FRMPD4: variants seen among roughly 807,000 people sequenced by gnomAD.
The protein encoded by FRMPD4 is FERM and PDZ domain containing 4, also known as FERM and PDZ domain-containing protein 4.
In FRMPD4, 22 loss-of-function variants were observed where a neutral mutation model predicts 94.1. The observed-to-expected ratio is 0.23, with a 90% CI of 0.17 to 0.33. The LOEUF (loss-of-function observed/expected upper bound fraction) is 0.33. FRMPD4 is among the 10% of genes least tolerant of loss of function. FRMPD4 has a pLI of 1.00. For missense variants in FRMPD4, 1,111 were observed against 1,339.9 expected (o/e 0.83, Z 2.67); for synonymous variants, 631 against 548.6 (o/e 1.15, Z -2.10).
At chrX:12,651,978 C>A (rs561116472) in intron 4 of FRMPD4, among the ~76,000 whole-genome samples, 2 of 112,402 alleles carry the variant, frequency 1.8e-5, no homozygotes, top group South Asian at 7.3e-4. Context: ...CAAAATTTTT[C>A]ACATCTCAAA....
At chrX:12,268,497 T>A (rs958049379) in intron 1 of FRMPD4, among the ~76,000 whole-genome samples, 1 of 112,111 alleles carries the variant, frequency 8.9e-6, no homozygotes, top group Non-Finnish European at 1.9e-5. Flanking sequence ...CCAACAGAAA[T>A]GAGGGTATTA....
intron 3 of FRMPD4, among the ~76,000 whole-genome samples, chrX:11,959,928 C>G (rs1229103905): frequency 9.0e-6 from 1 of 111,481 alleles, no homozygotes; most frequent in East Asian, 2.8e-4. Context: ...AAAACTACCT[C>G]AGCAAACAGT....
At chrX:12,522,594 C>CA in intron 2 of FRMPD4, among the ~76,000 whole-genome samples, 1 of 74,543 alleles carries the variant, frequency 1.3e-5, no homozygotes, top group African/African-American at 5.8e-5. Flanking sequence ...TTTTCTTTTC[C>CA]TTTTTTTTTT....
chrX:12,664,908 G>T (rs1031669595), intron 4 of FRMPD4, among the ~76,000 whole-genome samples: 1 of 111,422 alleles, frequency 9.0e-6, no homozygotes, highest in African/African-American at 3.3e-5. Context: ...TCCGAGATTC[G>T]ACATCTTCCT....
At position 12,614,767 on chromosome X, in the gene FRMPD4, A is replaced by G. The variant is rs369996075; in HGVS notation, c.320-12A>G. On this transcript the variant is annotated splice_polypyrimidine_tract_variant and intron_variant, in intron 3 of 16. Coordinates refer to ENST00000675598, the MANE Select transcript of FRMPD4 (RefSeq NM_001368397.1). ...GGTCTTCTCACCTGTGCTTCATTCT[A>G]TTTGTCTCCAGGTGGCCCCTCTGAA... is the stretch of plus-strand genomic sequence containing the variant. 7 of 980,407 alleles carry G rather than the reference A, an allele frequency of 7.1e-6. No individual in the cohort carries two copies. The highest frequency in any genetic ancestry group is 7.3e-6 in the Non-Finnish European group (5 of 687,922). 80.8% of individuals were successfully genotyped at this position (980,407 alleles called of 1,213,427 possible). A position where few individuals can be genotyped will look rare whatever the true frequency, so the allele number is the denominator to read the frequency against.
At chrX:12,400,251 C>T (rs950801581) in intron 1 of FRMPD4, among the ~76,000 whole-genome samples, 1 of 112,013 alleles carries the variant, frequency 8.9e-6, no homozygotes, top group Non-Finnish European at 1.9e-5. Flanking sequence ...GAAAGTAAGT[C>T]GAACCATCTG....
chrX:12,466,125 G>A (rs1401204449), intron 1 of FRMPD4, among the ~76,000 whole-genome samples: 1 of 111,961 alleles, frequency 8.9e-6, no homozygotes, highest in Non-Finnish European at 1.9e-5. Flanking sequence ...CTAGCTGGAA[G>A]AGGTGGAAAG....
At chrX:11,893,863 C>T (rs895580294) in intron 3 of FRMPD4, among the ~76,000 whole-genome samples, 1 of 111,643 alleles carries the variant, frequency 9.0e-6, no homozygotes, top group African/African-American at 3.3e-5. Flanking sequence ...AGGCAGTGAC[C>T]ATTTTGTAGC....
At chrX:12,109,756 G>A (rs2055338456) in intron 3 of FRMPD4, among the ~76,000 whole-genome samples, 1 of 112,066 alleles carries the variant, frequency 8.9e-6, no homozygotes, top group Non-Finnish European at 1.9e-5. Context: ...TGATCCCAGA[G>A]AAATACAAAC....
chrX:12,543,241 G>C (rs963943266), intron 2 of FRMPD4, among the ~76,000 whole-genome samples: 2 of 110,562 alleles, frequency 1.8e-5, no homozygotes, highest in African/African-American at 3.3e-5. Flanking sequence ...TGACAAATGG[G>C]ATCTAATTAA....
rs755934595 is a variant in FRMPD4, at chrX:11,914,144, A to G, written c.95+36126A>G. Among the ~76,000 whole-genome samples the G allele has an allele frequency of 1.2e-4, 14 of 112,095 alleles. No individual in the cohort carries two copies. In the East Asian group the frequency reaches 3.6e-3, roughly 29 times the overall value. Reference sequence around the variant, plus strand: ...AGATTTACAGAAGGTTCATAGATGCAGAAAGTGAATTTGTCTTTTTTAAAA... The same window carrying G: ...AGATTTACAGAAGGTTCATAGATGCGGAAAGTGAATTTGTCTTTTTTAAAA... On this transcript the variant is annotated intron_variant, in intron 3 of 18. Coordinates refer to the FRMPD4 transcript ENST00000640291.
At chrX:12,475,613 A>C (rs192768585) in intron 1 of FRMPD4, among the ~76,000 whole-genome samples, 1 of 112,333 alleles carries the variant, frequency 8.9e-6, no homozygotes, top group East Asian at 2.8e-4. Context: ...ACTTCAGCAA[A>C]GTCTCACGAT....
At position 12,553,434 on chromosome X, in the gene FRMPD4, C is replaced by CTATATATATATATA. The variant is rs3066486; in HGVS notation, c.158+54658_158+54671dup. ...AGTTTTGTGAGATCTATCCATATGC[C>CTATATATATATATA]TATATATATATATATATATATATAT... On this transcript the variant is annotated intron_variant, in intron 2 of 16. Transcript: ENST00000675598. Among the ~76,000 whole-genome samples the CTATATATATATATA allele has an allele frequency of 2.1e-3, 82 of 39,634 alleles. 1 individual carries two copies. The highest frequency in any genetic ancestry group is 6.4e-3 in the African/African-American group (62 of 9,619). The allele number at this position is 39,634 out of a possible 115,157, so 34.4% of individuals were successfully genotyped here.
At position 12,217,481 on chromosome X, in the gene FRMPD4, C is replaced by A. The variant is rs1343580707; in HGVS notation, c.41+78469C>A. Among the ~76,000 whole-genome samples, 5 of 112,147 alleles carry A rather than the reference C, an allele frequency of 4.5e-5. No individual in the cohort carries two copies. The East Asian group carries it at 1.4e-3, about 31-fold the overall frequency. On this transcript the variant is annotated intron_variant, in intron 1 of 16. Coordinates refer to ENST00000675598, the MANE Select transcript of FRMPD4 (RefSeq NM_001368397.1). ...AGGTCCTAAGAAATTTAAATGCATT[C>A]ATGTCTGTAAAGAACAGTAAAAAAG...
At chrX:12,363,058 A>T (rs187755443) in intron 1 of FRMPD4, among the ~76,000 whole-genome samples, 1,888 of 111,028 alleles carry the variant, frequency 0.017, 21 homozygotes, top group Admixed American at 0.057. Flanking sequence ...GAGTTGTTTG[A>T]TTTTTTCTTG....
intron 3 of FRMPD4, among the ~76,000 whole-genome samples, chrX:12,612,605 A>G (rs1438478141): frequency 8.9e-6 from 1 of 112,510 alleles, no homozygotes; most frequent in East Asian, 2.8e-4. Context: ...TCTTGATTAA[A>G]GTTGCTTGAT....
chrX:12,227,051 T>C (rs1334471264), intron 1 of FRMPD4, among the ~76,000 whole-genome samples: 2 of 112,075 alleles, frequency 1.8e-5, no homozygotes, highest in Non-Finnish European at 3.8e-5. Context: ...TAGAGAAGTA[T>C]GCAAATAAAC....
chrX:12,325,507 T>C (rs1001286260), intron 1 of FRMPD4, among the ~76,000 whole-genome samples: 7 of 112,717 alleles, frequency 6.2e-5, no homozygotes, highest in Non-Finnish European at 9.4e-5. Flanking sequence ...TTTCAGGATA[T>C]ACTGTCTCTG....
chrX:12,421,683 C>T (rs2056885135), intron 1 of FRMPD4, among the ~76,000 whole-genome samples: 1 of 106,606 alleles, frequency 9.4e-6, no homozygotes, highest in Non-Finnish European at 1.9e-5. Context: ...TTGCTTGAGC[C>T]TCTGGGAGTT....
Sources: gnomAD v4.1 joint callset for allele counts (sites outside exome capture counted in the v4.1 genomes callset) on GRCh38, gnomAD v4.1.1 for gene constraint, MANE v1.5 for transcripts, NCBI Gene and HGNC (gene_info 2026-07-23, HGNC 2026-07-21) for gene names.